TRPC6: variants seen among roughly 807,000 people sequenced by gnomAD.
The protein encoded by TRPC6 is short transient receptor potential channel 6.
In TRPC6, 55 loss-of-function variants were observed where a neutral mutation model predicts 90.7. The observed-to-expected ratio is 0.61, with a 90% CI of 0.49 to 0.76. The LOEUF is 0.76. TRPC6 is among the 30% of genes least tolerant of loss of function. The probability of loss-of-function intolerance (pLI) is 0.00; values close to 1 mark genes in which losing one functional copy is unlikely to be tolerated. For synonymous variants in TRPC6, 393 were observed against 393.0 expected (o/e 1.00, Z 0.00); for missense variants, 989 against 1,122.7 (o/e 0.88, Z 1.70).
At position 101,504,482 on chromosome 11, in the gene TRPC6, C is replaced by A. The variant is rs761950641; in HGVS notation, c.487G>T (p.Asp163Tyr). Reference sequence around the variant, plus strand: ...TTACTAATAGCTAGAAGCAAAGCATCCCCAACTCGAGAGAGGTTTTCTTTC... The same window carrying A: ...TTACTAATAGCTAGAAGCAAAGCATACCCAACTCGAGAGAGGTTTTCTTTC... ...LKKENLSRVG[D>Y]ALLLAISKGY... is the part of the protein sequence containing the mutation. Residue 163 changes from aspartate to tyrosine, a missense_variant, in exon 2 of 13, where the codon GAT becomes TAT. Physicochemically the swap from Asp to Tyr is radical, Grantham distance 160. This residue lies in a region of TRPC6 where 486 missense variants were observed against 591.9 expected (regional missense o/e 0.82). Coordinates refer to ENST00000344327, the MANE Select transcript of TRPC6 (RefSeq NM_004621.6). The A allele has an allele frequency of 1.9e-6, 3 of 1,614,104 alleles. No homozygotes were observed. The South Asian group carries it at 3.3e-5, about 18-fold the overall frequency.
rs201220023 is a variant in TRPC6, at chr11:101,485,577, CT to C, written c.1294-2413del. 7.8e-3 allele frequency among the ~76,000 whole-genome samples: 980 copies of C among 125,368 alleles called. 10 individuals carry two copies. The highest frequency in any genetic ancestry group is 0.03 in the African/African-American group (842 of 28,422). The allele number at this position is 125,368 out of a possible 152,430, so 82.2% of individuals were successfully genotyped here. On this transcript the variant is annotated intron_variant, in intron 4 of 12. Transcript: ENST00000344327. ...GGGAAAATCCATTATAAATCCTAAACTTTTTTTTTTTTAATTCTCAATTTAT... is the reference window on the plus strand; with the variant it reads ...GGGAAAATCCATTATAAATCCTAAACTTTTTTTTTTTAATTCTCAATTTAT...
chr11:101,462,619 G>T (rs1859032357), intron 10 of TRPC6, among the ~76,000 whole-genome samples: 1 of 152,104 alleles, frequency 6.6e-6, no homozygotes, highest in Non-Finnish European at 1.5e-5. Context: ...TCTGTTATGG[G>T]TGTATAGGAA....
intron 3 of TRPC6, among the ~76,000 whole-genome samples, chr11:101,490,804 C>T (rs1412020252): frequency 2.0e-5 from 3 of 152,200 alleles, no homozygotes; most frequent in African/African-American, 7.2e-5. Context: ...GAGAATGGGG[C>T]CAGTGCTTGA....
At chr11:101,551,817 A>AC (rs1268274711) in intron 1 of TRPC6, among the ~76,000 whole-genome samples, 5 of 152,112 alleles carry the variant, frequency 3.3e-5, no homozygotes, top group Admixed American at 1.3e-4. Flanking sequence ...AATGTCTCCC[A>AC]CCAGAGCCTC....
At chr11:101,467,332 A>G (rs892686849) in intron 10 of TRPC6, among the ~76,000 whole-genome samples, 4 of 152,152 alleles carry the variant, frequency 2.6e-5, no homozygotes, top group Admixed American at 2.6e-4. Flanking sequence ...GATTAATATC[A>G]CTACCAAATT....
At chr11:101,459,078 C>T (rs374514080) in intron 10 of TRPC6, among the ~76,000 whole-genome samples, 5 of 152,272 alleles carry the variant, frequency 3.3e-5, no homozygotes, top group Admixed American at 6.5e-5. Context: ...TAATGTATGT[C>T]GTAAAACCAA....
At chr11:101,532,818 G>A (rs1319082844) in intron 1 of TRPC6, among the ~76,000 whole-genome samples, 1 of 152,188 alleles carries the variant, frequency 6.6e-6, no homozygotes, top group Non-Finnish European at 1.5e-5. Flanking sequence ...TTAAGAGGGT[G>A]AGGCAGTGAA....
chr11:101,549,429 T>TA (rs1261651580), intron 1 of TRPC6, among the ~76,000 whole-genome samples: 1 of 151,720 alleles, frequency 6.6e-6, no homozygotes, highest in Admixed American at 6.6e-5. Flanking sequence ...GCTAGCTAAA[T>TA]AAAAACAAAT....
chr11:101,507,019 AC>A, intron 1 of TRPC6, among the ~76,000 whole-genome samples: 1 of 148,814 alleles, frequency 6.7e-6, no homozygotes, highest in Non-Finnish European at 1.5e-5. Flanking sequence ...ACACACACAC[AC>A]ACACACACAC....
At chr11:101,477,954 C>A (rs570568070) in intron 5 of TRPC6, among the ~76,000 whole-genome samples, 1 of 152,322 alleles carries the variant, frequency 6.6e-6, no homozygotes, top group African/African-American at 2.4e-5. Context: ...CTGCCTCCTG[C>A]TGGAGCCATC....
chr11:101,493,826 G>T (rs1434807301), intron 2 of TRPC6, among the ~76,000 whole-genome samples: 1 of 152,142 alleles, frequency 6.6e-6, no homozygotes, highest in Non-Finnish European at 1.5e-5. Context: ...GGCCATATGT[G>T]GGGGGTGTCT....
chr11:101,518,499 ATC>A (rs1425382861), intron 1 of TRPC6, among the ~76,000 whole-genome samples: 3 of 152,338 alleles, frequency 2.0e-5, no homozygotes, highest in African/African-American at 7.2e-5. Flanking sequence ...ATGAGATGTC[ATC>A]TCACCCAAGT....
intron 1 of TRPC6, among the ~76,000 whole-genome samples, chr11:101,547,921 C>G (rs918560910): frequency 6.6e-6 from 1 of 152,088 alleles, no homozygotes; most frequent in African/African-American, 2.4e-5. Context: ...CTAGACAATT[C>G]TGACACCAAA....
intron 5 of TRPC6, among the ~76,000 whole-genome samples, chr11:101,480,950 G>A (rs983053303): frequency 1.3e-5 from 2 of 152,078 alleles, no homozygotes; most frequent in Non-Finnish European, 1.5e-5. Context: ...GCCATCTTCT[G>A]TATCCAAGAT....
intron 1 of TRPC6, among the ~76,000 whole-genome samples, chr11:101,529,376 G>A (rs966346802): frequency 1.3e-5 from 2 of 152,216 alleles, no homozygotes; most frequent in Non-Finnish European, 2.9e-5. Flanking sequence ...TCCCCTAAGG[G>A]AAACAGGAGA....
At chr11:101,527,807 C>A (rs1262366320) in intron 1 of TRPC6, among the ~76,000 whole-genome samples, 1 of 152,076 alleles carries the variant, frequency 6.6e-6, no homozygotes, top group Non-Finnish European at 1.5e-5. Flanking sequence ...GGCACAGTGG[C>A]TCACACCTGT....
intron 4 of TRPC6, 58 bp from the exon 5 acceptor site, chr11:101,483,223 A>C (rs1859595110): frequency 6.5e-7 from 1 of 1,528,768 alleles, no homozygotes; most frequent in Non-Finnish European, 9.0e-7. Flanking sequence ...TTTGCAAAAC[A>C]CACATACATA....
rs1253745149 is a variant in TRPC6, at chr11:101,470,810, C to A, written c.2409+373G>T. Among the ~76,000 whole-genome samples the A allele has an allele frequency of 2.8e-4, 25 of 90,620 alleles. 1 individual carries two copies. Among genetic ancestry groups the A allele is most frequent in the Non-Finnish European group, 4.8e-4 (20 of 41,646 alleles). The allele number at this position is 90,620 out of a possible 152,430, so 59.5% of individuals were successfully genotyped here. ...TAAGAGTTAATCAAGTTGCCCCGCC[C>A]CCCCCCCCTCCCCGAGTCATAACAA... On this transcript the variant is annotated intron_variant, in intron 9 of 12. Coordinates refer to ENST00000344327, the MANE Select transcript of TRPC6 (RefSeq NM_004621.6).
At chr11:101,544,730 G>A (rs988148215) in intron 1 of TRPC6, among the ~76,000 whole-genome samples, 2 of 151,990 alleles carry the variant, frequency 1.3e-5, no homozygotes, top group African/African-American at 2.4e-5. Flanking sequence ...GGGCCTGTTG[G>A]GGGTGGCGGG....
Sources: allele counts gnomAD v4.1 joint callset (sites outside exome capture counted in the v4.1 genomes callset), GRCh38; gene constraint gnomAD v4.1.1; regional missense constraint gnomAD v4.1.1; transcripts MANE v1.5; gene names NCBI Gene and HGNC (gene_info 2026-07-23, HGNC 2026-07-21).